Variants in C4orf17 observed in about 807,000 individuals in gnomAD.
C4orf17 encodes the protein chromosome 4 open reading frame 17, also known as uncharacterized protein C4orf17.
Under a neutral mutation model 32.0 loss-of-function variants are expected in C4orf17, and 25 were observed. That is an observed-to-expected ratio of 0.78 (90% confidence interval 0.57 to 1.09). The LOEUF (loss-of-function observed/expected upper bound fraction) is 1.09. Among genes scored for constraint, C4orf17 ranks in the 50% least tolerant of loss-of-function variants. The probability of loss-of-function intolerance (pLI) is 0.00; values close to 1 mark genes in which losing one functional copy is unlikely to be tolerated. For synonymous variants in C4orf17, 149 were observed against 145.8 expected (o/e 1.02, Z -0.16); for missense variants, 420 against 420.0 (o/e 1.00, Z 0.00).
intron 4 of C4orf17, among the ~76,000 whole-genome samples, chr4:99,529,071 A>G (rs1723436550): frequency 6.6e-6 from 1 of 152,218 alleles, no homozygotes; most frequent in Admixed American, 6.5e-5. Flanking sequence ...TATTTTTGCT[A>G]AACATAAAGT....
intron 5 of C4orf17, chr4:99,536,058 G>C (rs889994653): frequency 2.4e-6 from 1 of 421,670 alleles, no homozygotes; most frequent in African/African-American, 2.1e-5. Context: ...TCATCAGTGA[G>C]AGTTGCAAGA....
rs752087514 is a variant in C4orf17 at position 99,513,146 on chromosome 4, GA to G, written c.68del (p.Asn23MetfsTer2). 2 of 1,613,518 alleles carry G rather than the reference GA, an allele frequency of 1.2e-6. No individual in the cohort carries two copies. The highest frequency in any genetic ancestry group is 3.3e-5 in the Admixed American group (2 of 59,980). ...GGCAAAGGCAGCCATATTATGGCTA[GA>G]AATGTAAGCTGCTTTCTAGTCAGGC... is the stretch of plus-strand genomic sequence containing the variant. ...IEGKGSHIMA[R>X]NVSCFLVRHT... On this transcript the variant is annotated frameshift_variant, in exon 2 of 9. Transcript: ENST00000326581. LOFTEE classifies it high-confidence loss of function.
intron 2 of C4orf17, among the ~76,000 whole-genome samples, chr4:99,520,890 ATTATAC>A (rs1380518759): frequency 7.9e-5 from 12 of 152,342 alleles, no homozygotes; most frequent in Admixed American, 5.2e-4. Context: ...AGTTAAATAA[ATTATAC>A]TTATAAGTAT....
At chr4:99,511,358 A>G (rs1723090460) in intron 1 of C4orf17, 86 bp downstream of exon 1, 1 of 152,084 alleles carries the variant, frequency 6.6e-6, no homozygotes, top group Non-Finnish European at 1.5e-5. Context: ...TTCTTTTTTC[A>G]AGAGTATGTG....
At chr4:99,540,054 A>G (rs1056833994) in intron 7 of C4orf17, among the ~76,000 whole-genome samples, 7 of 152,248 alleles carry the variant, frequency 4.6e-5, no homozygotes, top group African/African-American at 1.7e-4. Flanking sequence ...TTAAAGTTAG[A>G]GGAAAAATAC....
intron 5 of C4orf17, chr4:99,536,284 G>A (rs548788298): frequency 8.1e-5 from 14 of 171,894 alleles, no homozygotes; most frequent in South Asian, 6.6e-4. Flanking sequence ...ACTCTTCCAC[G>A]TCCAGACCTG....
At chr4:99,529,728 A>G (rs1038507269) in intron 4 of C4orf17, 87 bp from the exon 5 acceptor site, 3 of 1,131,908 alleles carry the variant, frequency 2.7e-6, no homozygotes, top group Non-Finnish European at 3.7e-6. Flanking sequence ...ATTAGGCACA[A>G]TATTTCTCAT....
chr4:99,519,540 G>C (rs991002023), intron 2 of C4orf17, among the ~76,000 whole-genome samples: 2 of 152,192 alleles, frequency 1.3e-5, no homozygotes, highest in African/African-American at 4.8e-5. Flanking sequence ...CACAAGTGAG[G>C]TGCTAGATAA....
intron 5 of C4orf17, among the ~76,000 whole-genome samples, chr4:99,532,092 T>G (rs2110172005): frequency 6.6e-6 from 1 of 152,318 alleles, no homozygotes; most frequent in Non-Finnish European, 1.5e-5. Flanking sequence ...TTATAAACTG[T>G]TGGTGGGACT....
chr4:99,524,599 A>C lies in C4orf17; in HGVS notation c.402+14A>C, dbSNP rs759620281. 3.3e-6 allele frequency: 5 copies of C among 1,493,710 alleles called. No homozygotes were observed. Among genetic ancestry groups the C allele is most frequent in the Non-Finnish European group, 4.6e-6 (5 of 1,083,356 alleles). The allele number at this position is 1,493,710 out of a possible 1,614,324, so 92.5% of individuals were successfully genotyped here. A position where few individuals can be genotyped will look rare whatever the true frequency, so the allele number is the denominator to read the frequency against. On this transcript the variant is annotated intron_variant, in intron 4 of 8. Coordinates refer to ENST00000326581, the MANE Select transcript of C4orf17 (RefSeq NM_032149.3). The stretch of plus-strand genomic sequence containing the variant: ...GTAATTAAAAAGGTAAGGAACAGCT[A>C]TTTACTGCTATCTATTTAGTTTGAC...
At chr4:99,513,654 T>TGCCCTCATTCCCTCCC (rs1479729286) in intron 2 of C4orf17, among the ~76,000 whole-genome samples, 1 of 152,134 alleles carries the variant, frequency 6.6e-6, no homozygotes, top group East Asian at 1.9e-4. Flanking sequence ...CCTTGCCTCC[T>TGCCCTCATTCCCTCCC]GCCCTCATTC....
At chr4:99,531,158 C>T (rs1306738373) in intron 5 of C4orf17, among the ~76,000 whole-genome samples, 1 of 151,728 alleles carries the variant, frequency 6.6e-6, no homozygotes, top group East Asian at 1.9e-4. Context: ...TATGTATGTT[C>T]AGACTTATTT....
intron 2 of C4orf17, among the ~76,000 whole-genome samples, chr4:99,518,644 C>A (rs1349331237): frequency 7.0e-6 from 1 of 143,730 alleles, no homozygotes; most frequent in Non-Finnish European, 1.5e-5. Context: ...TGGAGGCTTC[C>A]CATGCATTTA....
intron 2 of C4orf17, among the ~76,000 whole-genome samples, chr4:99,517,080 G>A (rs766954298): frequency 2.0e-5 from 3 of 152,124 alleles, no homozygotes; most frequent in Non-Finnish European, 4.4e-5. Flanking sequence ...CACAATTCCA[G>A]ACTCAACCTA....
chr4:99,526,837 T>C (rs1023500038), intron 4 of C4orf17, among the ~76,000 whole-genome samples: 1 of 152,062 alleles, frequency 6.6e-6, no homozygotes, highest in Non-Finnish European at 1.5e-5. Context: ...TCATTCCTGA[T>C]TTTGGCAATT....
chr4:99,528,669 G>A (rs529216202), intron 4 of C4orf17, among the ~76,000 whole-genome samples: 52 of 152,252 alleles, frequency 3.4e-4, no homozygotes, highest in Admixed American at 7.8e-4. Flanking sequence ...CATAGCAGAA[G>A]GCAAAACTGG....
Position 99,541,934 on chromosome 4 carries a change from T to C in C4orf17, c.905T>C (p.Leu302Pro). 6.2e-7 allele frequency: 1 copy of C among 1,613,744 alleles called. No individual in the cohort carries two copies. Among genetic ancestry groups the C allele is most frequent in the Non-Finnish European group, 8.5e-7 (1 of 1,179,878 alleles). Residue 302 changes from leucine (L) to proline (P), a missense_variant, in exon 9 of 9, where the codon CTT (leucine) becomes CCT (proline). Transcript: ENST00000326581. ...GAGGCTGAGCACAAGCCTCCACTAC[T>C]TATAAGAAGAAATAATATGAAAATA... ...PKEAEHKPPL[L>P]IRRNNMKIPV...
rs1256489625 is a variant in C4orf17, at chr4:99,524,543, G to A, written c.360G>A (p.Glu120=). 8 of 1,603,090 alleles carry A rather than the reference G, an allele frequency of 5.0e-6. No homozygotes were observed. Among genetic ancestry groups the A allele is most frequent in the African/African-American group, 4.0e-5 (3 of 74,530 alleles). ...PHSEPSRKIK[E]CFKTSSENPL... is the part of the protein sequence containing the mutation. The stretch of plus-strand genomic sequence containing the variant: ...CAGAGCCCAGTAGAAAAATTAAAGA[G>A]TGCTTCAAAACTTCCAGTGAGAATC... The change falls in exon 4 of 9, where the codon GAG becomes GAA. Residue 120 remains glutamate (E), a synonymous_variant. Coordinates refer to ENST00000326581, the MANE Select transcript of C4orf17 (RefSeq NM_032149.3).
Position 99,540,289 on chromosome 4 carries a change from CAA to C in C4orf17, c.837-121_837-120del, listed in dbSNP as rs539910087. The C allele has an allele frequency of 1.8e-3, 1,013 of 575,636 alleles. 10 individuals carry two copies. Among genetic ancestry groups the C allele is most frequent in the African/African-American group, 0.016 (857 of 52,202 alleles). 35.7% of individuals were successfully genotyped at this position (575,636 alleles called of 1,614,324 possible). ...TTAATACTGTATGCATTAAAAAAAA[CAA>C]AGAATTGGGGTAGCATATTTAAGAT... is the stretch of plus-strand genomic sequence containing the variant. On this transcript the variant is annotated intron_variant, in intron 7 of 8. Coordinates refer to ENST00000326581, the MANE Select transcript of C4orf17 (RefSeq NM_032149.3).
Sources: allele counts gnomAD v4.1 joint callset (sites outside exome capture counted in the v4.1 genomes callset), GRCh38; gene constraint gnomAD v4.1.1; transcripts MANE v1.5; gene names NCBI Gene and HGNC (gene_info 2026-07-23, HGNC 2026-07-21).